KIRREL3: variants seen among roughly 807,000 people sequenced by gnomAD.
KIRREL3 encodes kirre like nephrin family adhesion molecule 3.
Under a neutral mutation model 89.7 loss-of-function variants are expected in KIRREL3, and 36 were observed. That is an observed-to-expected ratio of 0.40 (90% CI 0.31 to 0.53). The LOEUF is 0.53. Ranked by LOEUF, KIRREL3 falls within the 20% of genes least tolerant of loss-of-function variation. The pLI is 0.49. For missense variants in KIRREL3, 864 were observed against 1,056.6 expected (o/e 0.82, Z 2.53); for synonymous variants, 445 against 441.4 (o/e 1.01, Z -0.10).
intron 1 of KIRREL3, among the ~76,000 whole-genome samples, chr11:126,959,702 C>T (rs1949026639): frequency 6.6e-6 from 1 of 152,194 alleles, no homozygotes. Context: ...ACTCTCTACA[C>T]AAGCCTGCCT....
intron 1 of KIRREL3, among the ~76,000 whole-genome samples, chr11:126,852,514 A>G (rs574391676): frequency 4.5e-4 from 69 of 152,322 alleles, no homozygotes; most frequent in African/African-American, 1.6e-3. Context: ...ACTATGTGCC[A>G]TATATATAGT....
At position 126,844,042 on chromosome 11, in the gene KIRREL3, A is replaced by G. The variant is rs1221837383; in HGVS notation, c.55+156413T>C. On this transcript the variant is annotated intron_variant, in intron 1 of 16. Transcript: ENST00000525144. This position sits in a 1 kb window ranked among gnomAD's most constrained non-coding sequence, Gnocchi z 4.8. ...TTCTTAATAAACTTGCTTTCACTTT[A>G]TGCTCTGGACTCGCCCTGAATTCTT... 1.3e-5 allele frequency among the ~76,000 whole-genome samples: 2 copies of G among 152,194 alleles called. No homozygotes were observed. Among genetic ancestry groups the G allele is most frequent in the Non-Finnish European group, 2.9e-5 (2 of 68,034 alleles).
At chr11:126,845,659 A>G (rs1944113809) in intron 1 of KIRREL3, among the ~76,000 whole-genome samples, 1 of 152,160 alleles carries the variant, frequency 6.6e-6, no homozygotes, top group South Asian at 2.1e-4. Context: ...TCATGGCTCA[A>G]TTCCCAGCTT....
rs1472073137 is a variant in KIRREL3, at chr11:126,742,045, CT to C, written c.56-179134del. Among the ~76,000 whole-genome samples the C allele has an allele frequency of 1.3e-5, 2 of 152,200 alleles. No homozygotes were observed. Among genetic ancestry groups the C allele is most frequent in the Non-Finnish European group, 2.9e-5 (2 of 68,032 alleles). ...GGACGCTTGTGCTAAGAAGGGAGAACTATTTAGAACACATGTGAAACTCTAT... is the reference window on the plus strand; with the variant it reads ...GGACGCTTGTGCTAAGAAGGGAGAACATTTAGAACACATGTGAAACTCTAT... On this transcript the variant is annotated intron_variant, in intron 1 of 16. Transcript: ENST00000525144. This position sits in a 1 kb window ranked among gnomAD's most constrained non-coding sequence, Gnocchi z 5.3.
In KIRREL3 at chr11:126,557,971, T is replaced by G. The variant is rs559608653; in HGVS notation, c.133+4864A>C. On this transcript the variant is annotated intron_variant, in intron 2 of 16. Coordinates refer to ENST00000525144, the MANE Select transcript of KIRREL3 (RefSeq NM_032531.4). The surrounding 1 kb of genome is among the most constrained non-coding windows in gnomAD (Gnocchi z 5.6). The stretch of plus-strand genomic sequence containing the variant: ...GCCTTTGCTAATCACTCACAAGTAT[T>G]TCGTCCTGAAAGATGAAAGGGACAG... 6.6e-6 allele frequency among the ~76,000 whole-genome samples: 1 copy of G among 152,348 alleles called. No homozygotes were observed. The highest frequency in any genetic ancestry group is 1.9e-4 in the East Asian group (1 of 5,182).
rs1947454524 is a variant in KIRREL3, at chr11:126,704,733, G to A, written c.56-141821C>T. Reference sequence around the variant, plus strand: ...TGGCTCCTGGCTGTCTGCGTTAGCAGGTCACTTTTGGGCTAGCTACCTATA... The same window carrying A: ...TGGCTCCTGGCTGTCTGCGTTAGCAAGTCACTTTTGGGCTAGCTACCTATA... On this transcript the variant is annotated intron_variant, in intron 1 of 16. Transcript: ENST00000525144. The surrounding 1 kb of genome is among the most constrained non-coding windows in gnomAD (Gnocchi z 4.2). Among the ~76,000 whole-genome samples the A allele has an allele frequency of 6.6e-6, 1 of 152,212 alleles. No individual in the cohort carries two copies. The highest frequency in any genetic ancestry group is 2.1e-4 in the South Asian group (1 of 4,836).
Position 126,897,112 on chromosome 11 carries a change from G to T in KIRREL3, c.55+103343C>A, listed in dbSNP as rs1308483922. Among the ~76,000 whole-genome samples, 1 of 152,012 alleles carries T rather than the reference G, an allele frequency of 6.6e-6. No homozygotes were observed. Among genetic ancestry groups the T allele is most frequent in the Non-Finnish European group, 1.5e-5 (1 of 68,020 alleles). On this transcript the variant is annotated intron_variant, in intron 1 of 16. Coordinates refer to ENST00000525144, the MANE Select transcript of KIRREL3 (RefSeq NM_032531.4). This position sits in a 1 kb window ranked among gnomAD's most constrained non-coding sequence, Gnocchi z 4.2. ...ACGAAAGATCATCTCACGAATACGG[G>T]CTACAAACAACTCCACAACTAAAGC...
intron 4 of KIRREL3, among the ~76,000 whole-genome samples, chr11:126,509,441 C>T (rs556995194): frequency 6.6e-6 from 1 of 152,314 alleles, no homozygotes; most frequent in East Asian, 1.9e-4. Context: ...TCTGTCCAAA[C>T]TCTGAGACAT....
chr11:126,804,335 G>C (rs1018154563), intron 1 of KIRREL3, among the ~76,000 whole-genome samples: 5 of 152,290 alleles, frequency 3.3e-5, no homozygotes, highest in African/African-American at 1.2e-4. Context: ...GGCGAGAGTG[G>C]AGAAGCCTAT....
chr11:126,577,926 C>A (rs546191902), intron 1 of KIRREL3, among the ~76,000 whole-genome samples: 1 of 152,280 alleles, frequency 6.6e-6, no homozygotes, highest in South Asian at 2.1e-4. Flanking sequence ...ACACCCAGTG[C>A]TAAAGGATTC....
chr11:126,961,820 C>T (rs1342485304), intron 1 of KIRREL3, among the ~76,000 whole-genome samples: 4 of 152,160 alleles, frequency 2.6e-5, no homozygotes, highest in Non-Finnish European at 2.9e-5. Flanking sequence ...ACAGGCTGTC[C>T]CTCTCATTAT....
chr11:126,613,007 G>T (rs1943197749), intron 1 of KIRREL3, among the ~76,000 whole-genome samples: 1 of 152,172 alleles, frequency 6.6e-6, no homozygotes, highest in African/African-American at 2.4e-5. Flanking sequence ...TTAGAAGTGG[G>T]ATCACTGGGT....
chr11:126,696,769 C>G lies in KIRREL3; in HGVS notation c.56-133857G>C, dbSNP rs991814467. ...CCGCCAGTGGACACACCGAACACCC[C>G]TCTTGTCCAAACACACTGCAGCTCC... On this transcript the variant is annotated intron_variant, in intron 1 of 16. Transcript: ENST00000525144. This position sits in a 1 kb window ranked among gnomAD's most constrained non-coding sequence, Gnocchi z 4.4. 6.6e-6 allele frequency among the ~76,000 whole-genome samples: 1 copy of G among 152,206 alleles called. No homozygotes were observed. Among genetic ancestry groups the G allele is most frequent in the South Asian group, 2.1e-4 (1 of 4,818 alleles).
At chr11:126,799,027 C>T (rs1950902271) in intron 1 of KIRREL3, among the ~76,000 whole-genome samples, 1 of 150,926 alleles carries the variant, frequency 6.6e-6, no homozygotes, top group African/African-American at 2.4e-5. Flanking sequence ...TGTATCTGTG[C>T]GTGTGCATGT....
rs1184938560 is a variant in KIRREL3 at position 126,773,684 on chromosome 11, T to A, written c.56-210772A>T. ...ACATCAAGCTGTATGTATGTGTGTG[T>A]GTGTGTGTTTGTGTGTGTGTTTTCC... On this transcript the variant is annotated intron_variant, in intron 1 of 16. Coordinates refer to ENST00000525144, the MANE Select transcript of KIRREL3 (RefSeq NM_032531.4). This position sits in a 1 kb window ranked among gnomAD's most constrained non-coding sequence, Gnocchi z 4.2. Among the ~76,000 whole-genome samples, 1 of 152,188 alleles carries A rather than the reference T, an allele frequency of 6.6e-6. No homozygotes were observed. Among genetic ancestry groups the A allele is most frequent in the Non-Finnish European group, 1.5e-5 (1 of 68,036 alleles).
intron 1 of KIRREL3, among the ~76,000 whole-genome samples, chr11:126,638,051 A>G (rs1441690228): frequency 6.6e-6 from 1 of 152,230 alleles, no homozygotes; most frequent in Non-Finnish European, 1.5e-5. Flanking sequence ...GTGTGGAACT[A>G]AGGCTCAACA....
At chr11:126,549,038 T>C (rs1437098367) in intron 2 of KIRREL3, among the ~76,000 whole-genome samples, 1 of 152,196 alleles carries the variant, frequency 6.6e-6, no homozygotes, top group Non-Finnish European at 1.5e-5. Context: ...GATCCTTTTA[T>C]GAATAATGGT....
intron 1 of KIRREL3, among the ~76,000 whole-genome samples, chr11:126,875,994 G>C (rs533198532): frequency 3.3e-5 from 5 of 152,118 alleles, no homozygotes; most frequent in African/African-American, 1.2e-4. Flanking sequence ...ATTGAATCTC[G>C]GGTTCCCTGG....
chr11:126,973,647 A>G (rs1766284201), intron 1 of KIRREL3, among the ~76,000 whole-genome samples: 2 of 152,188 alleles, frequency 1.3e-5, no homozygotes, highest in Admixed American at 6.5e-5. Flanking sequence ...GTTATTTACA[A>G]GTTTGTGATC....
Sources: gnomAD v4.1 joint callset for allele counts (sites outside exome capture counted in the v4.1 genomes callset) on GRCh38, gnomAD v4.1.1 for gene constraint, Gnocchi (gnomAD v3.1) non-coding constraint, MANE v1.5 for transcripts, NCBI Gene and HGNC (gene_info 2026-07-23, HGNC 2026-07-21) for gene names.